The following EML6 variants were observed in gnomAD, a reference collection of about 807,000 sequenced individuals.
EML6 encodes EMAP like 6.
EML6 carries 154 observed loss-of-function variants against 240.1 expected under a neutral mutation model. That is an observed-to-expected ratio of 0.64 (90% CI 0.56 to 0.73). The LOEUF is 0.73. Among genes scored for constraint, EML6 ranks in the 30% least tolerant of loss-of-function variants. The pLI is 0.00. For synonymous variants in EML6, 1,148 were observed against 899.0 expected (o/e 1.28, Z -4.95); for missense variants, 2,964 against 2,474.6 (o/e 1.20, Z -4.20).
At chr2:54,945,018 C>T (rs1483297438) in intron 28 of EML6, among the ~76,000 whole-genome samples, 1 of 127,560 alleles carries the variant, frequency 7.8e-6, no homozygotes, top group Non-Finnish European at 1.7e-5. Context: ...TCCTCCCTAC[C>T]CCCCTCCTTC....
chr2:54,944,514 C>G (rs1675583689), intron 28 of EML6, among the ~76,000 whole-genome samples: 1 of 152,192 alleles, frequency 6.6e-6, no homozygotes, highest in Non-Finnish European at 1.5e-5. Flanking sequence ...ACAGTGGCCT[C>G]TTCAGTATTC....
chr2:54,891,246 G>C (rs1672452856), intron 18 of EML6, 92 bp downstream of exon 18: 1 of 594,260 alleles, frequency 1.7e-6, no homozygotes, highest in Non-Finnish European at 2.9e-6. Context: ...TACCTCGCTT[G>C]TCTCTGCAAT....
At chr2:54,865,946 T>C (rs1670949003) in intron 13 of EML6, among the ~76,000 whole-genome samples, 1 of 152,178 alleles carries the variant, frequency 6.6e-6, no homozygotes, top group Non-Finnish European at 1.5e-5. Context: ...AAGTAAATAG[T>C]TGGTGAGCTG....
At chr2:54,902,075 T>C (rs914210012) in intron 22 of EML6, among the ~76,000 whole-genome samples, 1 of 152,200 alleles carries the variant, frequency 6.6e-6, no homozygotes, top group African/African-American at 2.4e-5. Context: ...CCTCTAGAGT[T>C]ATACATTACA....
Position 54,850,119 on chromosome 2 carries a change from A to C in EML6, c.1345A>C (p.Lys449Gln). ...GTATAAGAAAATTGGAGAATGCAGC[A>C]AGTCCCTTAGTTTCATCACGCATAT... Reference protein sequence around the residue: ...QRYKKIGECSKSLSFITHIDW... With the variant: ...QRYKKIGECSQSLSFITHIDW... Residue 449 changes from lysine (K) to glutamine (Q), a missense_variant, in exon 10 of 42, where the codon AAG (lysine) becomes CAG (glutamine). Transcript: ENST00000356458. The C allele has an allele frequency of 6.4e-7, 1 of 1,551,996 alleles. No individual in the cohort carries two copies. Among genetic ancestry groups the C allele is most frequent in the Non-Finnish European group, 8.7e-7 (1 of 1,147,008 alleles).
At chr2:54,934,642 T>C (rs1249078969) in intron 28 of EML6, among the ~76,000 whole-genome samples, 1 of 151,894 alleles carries the variant, frequency 6.6e-6, no homozygotes, top group Non-Finnish European at 1.5e-5. Context: ...CTCAGCCTCC[T>C]GGGCTCAAGC....
intron 18 of EML6, 125 bp downstream of exon 18, chr2:54,891,279 A>G (rs903781932): frequency 7.7e-6 from 4 of 519,608 alleles, no homozygotes; most frequent in Non-Finnish European, 1.4e-5. Flanking sequence ...TGTGCCTAAA[A>G]AAATTATCTC....
Position 54,919,051 on chromosome 2 carries a change from T to C in EML6, c.3675+2116T>C, listed in dbSNP as rs563464572. Among the ~76,000 whole-genome samples the C allele has an allele frequency of 9.0e-4, 137 of 152,364 alleles. 2 individuals are homozygous for C. The highest frequency in any genetic ancestry group is 3.2e-3 in the African/African-American group (134 of 41,584). On this transcript the variant is annotated intron_variant, in intron 26 of 41. Transcript: ENST00000356458. ...GTTTGATGCCACCTCTCCTGATTCC[T>C]AAACTTTTCAGCTATTACTGTATTA...
intron 19 of EML6, 136 bp from the exon 20 acceptor site, chr2:54,894,779 C>T (rs1198053023): frequency 8.3e-6 from 5 of 602,808 alleles, no homozygotes; most frequent in Non-Finnish European, 8.9e-6. Flanking sequence ...ATTGTTATCA[C>T]CAGAGTTTTC....
Position 54,950,660 on chromosome 2 carries a change from TAG to T in EML6, c.4096_4097del (p.Asp1366ProfsTer13). ...TGTGTGTGAATGCAGGAGCTGGCTC[TAG>T]ACCACGTGTTTGGCTACAGAGGTTT... On this transcript the variant is annotated frameshift_variant, in exon 30 of 42. Coordinates refer to ENST00000356458, the MANE Select transcript of EML6 (RefSeq NM_001039753.4). LOFTEE classifies it high-confidence loss of function. 1 of 1,551,670 alleles carries T rather than the reference TAG, an allele frequency of 6.4e-7. No individual in the cohort carries two copies. Among genetic ancestry groups the T allele is most frequent in the Non-Finnish European group, 8.7e-7 (1 of 1,146,976 alleles).
Position 54,813,309 on chromosome 2 carries a change from C to T in EML6, c.275C>T (p.Ser92Phe), listed in dbSNP as rs1169774500. Residue 92 changes from serine (S) to phenylalanine (F), a missense_variant, in exon 3 of 42, where the codon TCC becomes TTC. Coordinates refer to ENST00000356458, the MANE Select transcript of EML6 (RefSeq NM_001039753.4). ...GAGCCATATATATGCATATGGGATT[C>T]CTATAATGTCCAGACTGTGTCTCTT... is the stretch of plus-strand genomic sequence containing the variant. ...GKEPYICIWD[S>F]YNVQTVSLLK... 4 of 1,550,972 alleles carry T rather than the reference C, an allele frequency of 2.6e-6. No individual in the cohort carries two copies. The highest frequency in any genetic ancestry group is 1.2e-5 in the South Asian group (1 of 84,016).
chr2:54,875,825 T>A (rs1402990371), intron 16 of EML6, among the ~76,000 whole-genome samples: 1 of 152,154 alleles, frequency 6.6e-6, no homozygotes, highest in African/African-American at 2.4e-5. Flanking sequence ...GAAAACCAGA[T>A]TAGAAATAGA....
chr2:54,777,331 A>G (rs1245703988), intron 2 of EML6, among the ~76,000 whole-genome samples: 2 of 152,214 alleles, frequency 1.3e-5, no homozygotes, highest in Non-Finnish European at 2.9e-5. Flanking sequence ...GCTGCTCTGC[A>G]GGATATCATT....
At chr2:54,782,997 CAT>C (rs1211538430) in intron 2 of EML6, among the ~76,000 whole-genome samples, 4 of 152,228 alleles carry the variant, frequency 2.6e-5, no homozygotes, top group Admixed American at 2.6e-4. Flanking sequence ...CCCAGTAAAT[CAT>C]AGCTGTTTTT....
intron 2 of EML6, among the ~76,000 whole-genome samples, chr2:54,812,150 C>G (rs1446802144): frequency 6.6e-6 from 1 of 152,060 alleles, no homozygotes; most frequent in Non-Finnish European, 1.5e-5. Context: ...GCTAAGTACT[C>G]TAGATTGACT....
chr2:54,755,578 G>A (rs569103422), intron 2 of EML6, among the ~76,000 whole-genome samples: 51 of 152,180 alleles, frequency 3.4e-4, no homozygotes, highest in African/African-American at 1.2e-3. Context: ...TCATCTCTAC[G>A]TATTTGATGG....
At chr2:54,824,145 T>C (rs1050652826) in intron 5 of EML6, among the ~76,000 whole-genome samples, 1 of 152,196 alleles carries the variant, frequency 6.6e-6, no homozygotes, top group African/African-American at 2.4e-5. Flanking sequence ...ATTGATAGAA[T>C]TCTCCTGATT....
intron 17 of EML6, among the ~76,000 whole-genome samples, chr2:54,888,898 G>A (rs964148768): frequency 9.9e-5 from 15 of 152,152 alleles, no homozygotes; most frequent in African/African-American, 2.2e-4. Context: ...ATTGCTGGTC[G>A]TATGGTAAGA....
intron 2 of EML6, among the ~76,000 whole-genome samples, chr2:54,793,579 A>G (rs192688886): frequency 9.2e-5 from 14 of 152,266 alleles, no homozygotes; most frequent in African/African-American, 3.4e-4. Context: ...ATTGTTTCAA[A>G]GGCTGTGGAA....
Sources: allele counts gnomAD v4.1 joint callset (sites outside exome capture counted in the v4.1 genomes callset), GRCh38; gene constraint gnomAD v4.1.1; transcripts MANE v1.5; gene names NCBI Gene and HGNC (gene_info 2026-07-23, HGNC 2026-07-21).